The following RBFOX1 variants were observed in gnomAD, a reference collection of about 807,000 sequenced individuals.
The protein encoded by RBFOX1 is RNA binding fox-1 homolog 1.
A neutral mutation model predicts 57.7 loss-of-function variants in RBFOX1; 8 were observed. The observed-to-expected ratio is 0.14, with a 90% CI of 0.08 to 0.25. RBFOX1 has a LOEUF of 0.25. RBFOX1 is among the 10% of genes least tolerant of loss of function. The pLI, the probability that RBFOX1 is intolerant of heterozygous loss-of-function variation, is 1.00. For missense variants in RBFOX1, 611 were observed against 548.5 expected (o/e 1.11, Z -1.14); for synonymous variants, 326 against 222.4 (o/e 1.47, Z -4.15).
chr16:5,727,775 A>G (rs1371253381), intron 3 of RBFOX1, among the ~76,000 whole-genome samples: 2 of 152,044 alleles, frequency 1.3e-5, no homozygotes, highest in Non-Finnish European at 2.9e-5. Context: ...GCAGCCTCAA[A>G]CTTCTGGATT....
chr16:7,203,580 T>C (rs557034658), intron 4 of RBFOX1, among the ~76,000 whole-genome samples: 73 of 152,370 alleles, frequency 4.8e-4, no homozygotes, highest in Non-Finnish European at 8.5e-4. Context: ...TGGAAAATTA[T>C]AGAGGTGGGC....
At chr16:6,989,048 C>G (rs536573551) in intron 3 of RBFOX1, among the ~76,000 whole-genome samples, 7 of 152,188 alleles carry the variant, frequency 4.6e-5, no homozygotes, top group Admixed American at 4.6e-4. Context: ...TAAGCGTGAG[C>G]CACCGCGCCC....
At chr16:6,841,753 C>A (rs183369727) in intron 3 of RBFOX1, among the ~76,000 whole-genome samples, 2 of 152,182 alleles carry the variant, frequency 1.3e-5, no homozygotes, top group Admixed American at 6.5e-5. Context: ...TCTACTTAAA[C>A]CTGGACCATG....
chr16:5,907,702 C>T (rs190901798), intron 4 of RBFOX1, among the ~76,000 whole-genome samples: 21 of 150,628 alleles, frequency 1.4e-4, no homozygotes, highest in South Asian at 6.3e-4. Flanking sequence ...AATTAAGACG[C>T]GAACTCAAGG....
intron 3 of RBFOX1, among the ~76,000 whole-genome samples, chr16:7,031,743 C>A (rs1260154347): frequency 6.6e-6 from 1 of 152,092 alleles, no homozygotes; most frequent in Non-Finnish European, 1.5e-5. Flanking sequence ...TACTCTGTGC[C>A]CTCAAACAAC....
chr16:7,709,029 C>G, intron 14 of RBFOX1, 27 bp from the exon 15 acceptor site: 1 of 1,583,068 alleles, frequency 6.3e-7, no homozygotes, highest in Non-Finnish European at 8.7e-7. Context: ...TACTGTGGAT[C>G]AATCTTCACC....
intron 3 of RBFOX1, among the ~76,000 whole-genome samples, chr16:6,799,765 G>T (rs1331625680): frequency 6.6e-6 from 1 of 152,054 alleles, no homozygotes; most frequent in African/African-American, 2.4e-5. Context: ...AGGTTCTTTA[G>T]CCTTTGGACC....
At chr16:6,094,672 A>T (rs1478687723) in intron 1 of RBFOX1, among the ~76,000 whole-genome samples, 1 of 152,220 alleles carries the variant, frequency 6.6e-6, no homozygotes, top group African/African-American at 2.4e-5. Flanking sequence ...GATCACAGGC[A>T]TTGCATCTTA....
At chr16:6,693,538 G>C (rs1568242509) in intron 3 of RBFOX1, among the ~76,000 whole-genome samples, 3 of 141,414 alleles carry the variant, frequency 2.1e-5, no homozygotes. Context: ...ACCATCATTA[G>C]CAACATCATC....
chr16:7,195,572 T>G (rs2086495462), intron 4 of RBFOX1, among the ~76,000 whole-genome samples: 1 of 152,192 alleles, frequency 6.6e-6, no homozygotes, highest in South Asian at 2.1e-4. Context: ...TTTGTTTATT[T>G]ATTGAGACAG....
intron 3 of RBFOX1, among the ~76,000 whole-genome samples, chr16:6,935,708 G>C (rs1012276391): frequency 2.0e-5 from 3 of 152,192 alleles, no homozygotes; most frequent in East Asian, 1.9e-4. Flanking sequence ...TTGAGAATCA[G>C]TGTGGCAGCT....
At position 6,537,663 on chromosome 16, in the gene RBFOX1, T is replaced by C. The variant is rs1340601148; in HGVS notation, c.-63-116940T>C. 2.6e-5 allele frequency among the ~76,000 whole-genome samples: 4 copies of C among 152,198 alleles called. No homozygotes were observed. The East Asian group carries it at 7.7e-4, about 29-fold the overall frequency. ...TCTGAAGTGTAATGTCTGGAGTTTT[T>C]TGCATCTTCATCATTATAAACCTCT... is the stretch of plus-strand genomic sequence containing the variant. On this transcript the variant is annotated intron_variant, in intron 2 of 15. Transcript: ENST00000550418.
intron 3 of RBFOX1, among the ~76,000 whole-genome samples, chr16:6,980,908 TG>T (rs1381106302): frequency 1.3e-5 from 2 of 151,742 alleles, no homozygotes; most frequent in Non-Finnish European, 2.9e-5. Context: ...CTGGGCATGG[TG>T]GTGTGTGCTT....
chr16:6,170,215 G>T (rs10500332), intron 1 of RBFOX1, among the ~76,000 whole-genome samples: 5 of 151,936 alleles, frequency 3.3e-5, no homozygotes, highest in African/African-American at 9.7e-5. Flanking sequence ...AAGTCCATGA[G>T]GTAATGAGAG....
chr16:5,282,192 G>A (rs1013943802), intron 1 of RBFOX1, among the ~76,000 whole-genome samples: 1 of 152,194 alleles, frequency 6.6e-6, no homozygotes, highest in South Asian at 2.1e-4. Context: ...TGCCATCCCT[G>A]TAAGATGTGA....
Position 6,019,374 on chromosome 16 carries a change from G to C in RBFOX1, c.-745G>C. On this transcript the variant is annotated 5_prime_UTR_variant, in exon 1 of 16. Coordinates refer to ENST00000550418, the MANE Select transcript of RBFOX1 (RefSeq NM_018723.4). This position sits in a 1 kb window ranked among gnomAD's most constrained non-coding sequence, Gnocchi z 4.2. ...CAGAGTCGGTGGGACTGGCTGCGCTGCCCTGAAGTGGTTCTCCAAGCAGCG... is the reference window on the plus strand; with the variant it reads ...CAGAGTCGGTGGGACTGGCTGCGCTCCCCTGAAGTGGTTCTCCAAGCAGCG... 1.0e-6 allele frequency: 1 copy of C among 985,700 alleles called. No individual in the cohort carries two copies. Among genetic ancestry groups the C allele is most frequent in the Non-Finnish European group, 1.2e-6 (1 of 830,250 alleles). 61.1% of individuals were successfully genotyped at this position (985,700 alleles called of 1,614,324 possible).
chr16:6,590,332 G>T (rs74803164), intron 2 of RBFOX1, among the ~76,000 whole-genome samples: 1 of 152,158 alleles, frequency 6.6e-6, no homozygotes, highest in Non-Finnish European at 1.5e-5. Flanking sequence ...GGATTTGCCT[G>T]TAGGTGTCAT....
At chr16:5,801,423 ATTTCT>A (rs899748143) in intron 3 of RBFOX1, among the ~76,000 whole-genome samples, 3 of 151,750 alleles carry the variant, frequency 2.0e-5, no homozygotes, top group Admixed American at 6.6e-5. Context: ...AGGAAAACAA[ATTTCT>A]TTTCTGTGAT....
chr16:6,343,491 C>T (rs1360074560), intron 2 of RBFOX1, among the ~76,000 whole-genome samples: 1 of 152,180 alleles, frequency 6.6e-6, no homozygotes, highest in East Asian at 1.9e-4. Context: ...AACTCAGCCT[C>T]TTCTTATCCC....
Sources: gnomAD v4.1 joint callset for allele counts (sites outside exome capture counted in the v4.1 genomes callset) on GRCh38, gnomAD v4.1.1 for gene constraint, Gnocchi (gnomAD v3.1) non-coding constraint, MANE v1.5 for transcripts, NCBI Gene and HGNC (gene_info 2026-07-23, HGNC 2026-07-21) for gene names.